The following KCNU1 variants were observed in gnomAD, a reference collection of about 807,000 sequenced individuals.
The protein encoded by KCNU1 is potassium calcium-activated channel subfamily U member 1, also known as potassium channel subfamily U member 1.
A neutral mutation model predicts 126.8 loss-of-function variants in KCNU1; 93 were observed. That is an observed-to-expected ratio of 0.73 (90% CI 0.62 to 0.87). The LOEUF is 0.87. Ranked by LOEUF, KCNU1 falls within the 40% of genes least tolerant of loss-of-function variation. The pLI is 0.00. For missense variants in KCNU1, 1,330 were observed against 1,367.1 expected (o/e 0.97, Z 0.43); for synonymous variants, 523 against 494.2 (o/e 1.06, Z -0.77).
At chr8:36,922,742 T>G in intron 24 of KCNU1, 113 bp downstream of exon 24, 1 of 1,133,878 alleles carries the variant, frequency 8.8e-7, no homozygotes, top group Non-Finnish European at 1.2e-6. Context: ...TTCTCTTTGA[T>G]TTTCAAAAAC....
chr8:36,823,083 G>C (rs1185604256), intron 10 of KCNU1, among the ~76,000 whole-genome samples: 1 of 152,100 alleles, frequency 6.6e-6, no homozygotes, highest in Non-Finnish European at 1.5e-5. Flanking sequence ...AACAGAGGGG[G>C]CAGCTAATTC....
rs368283762 is a variant in KCNU1 at position 36,909,388 on chromosome 8, G to A, written c.2184G>A (p.Pro728=). The part of the protein sequence containing the change: ...ACVFGDAHSA[P]MGLRNFVMPL... ...TATTTGGAGATGCCCACTCAGCCCC[G>A]ATGGGGCTTCGGAACTTTGTAATGC... is the stretch of plus-strand genomic sequence containing the variant. Residue 728 remains proline (P), a synonymous_variant, in exon 21 of 27, where the codon CCG becomes CCA. Coordinates refer to ENST00000399881, the MANE Select transcript of KCNU1 (RefSeq NM_001031836.3). 2.1e-5 allele frequency: 34 copies of A among 1,612,620 alleles called. No homozygotes were observed. Among genetic ancestry groups the A allele is most frequent in the East Asian group, 1.1e-4 (5 of 44,868 alleles).
chr8:36,867,792 C>A (rs991255348), intron 19 of KCNU1, among the ~76,000 whole-genome samples: 4 of 152,078 alleles, frequency 2.6e-5, no homozygotes, highest in Admixed American at 6.6e-5. Flanking sequence ...TTTTAATTCT[C>A]GTCTGTAATA....
rs1207652164 is a variant in KCNU1, at chr8:36,871,976, T to TCA, written c.2009+7456_2009+7457insAC. On this transcript the variant is annotated intron_variant, in intron 19 of 26. Coordinates refer to ENST00000399881, the MANE Select transcript of KCNU1 (RefSeq NM_001031836.3). ...GGTTATGCGAAGCTTAGTCACTGTT[T>TCA]CTAAGTAAAACTCTCTTCAAGGCCT... Among the ~76,000 whole-genome samples, 503 of 152,278 alleles carry TCA rather than the reference T, an allele frequency of 3.3e-3. 4 individuals carry two copies. The highest frequency in any genetic ancestry group is 6.1e-3 in the Non-Finnish European group (412 of 68,024).
Position 36,815,604 on chromosome 8 carries a change from T to G in KCNU1, c.912T>G (p.Phe304Leu). 6.4e-7 allele frequency: 1 copy of G among 1,552,596 alleles called. No individual in the cohort carries two copies. Among genetic ancestry groups the G allele is most frequent in the Non-Finnish European group, 8.8e-7 (1 of 1,138,732 alleles). ...TTGCTGATCAATTTTAGATATTATT[T>G]GCGAACTATATACCTGAAATGGTGG... The part of the protein sequence containing the change: ...MFFTLGSLIL[F>L]ANYIPEMVEL... Residue 304 changes from phenylalanine (F) to leucine (L), a missense_variant, in exon 9 of 27, where the codon TTT becomes TTG. This residue lies in a region of KCNU1 where 1,054 missense variants were observed against 1,053.9 expected (regional missense o/e 1.00). Transcript: ENST00000399881.
intron 18 of KCNU1, among the ~76,000 whole-genome samples, chr8:36,854,238 T>A (rs1805452014): frequency 6.6e-6 from 1 of 152,148 alleles, no homozygotes; most frequent in Non-Finnish European, 1.5e-5. Context: ...ATTAAGCTTT[T>A]TAGTTGTGTA....
chr8:36,826,091 C>A (rs1329903634), intron 10 of KCNU1, among the ~76,000 whole-genome samples: 1 of 151,910 alleles, frequency 6.6e-6, no homozygotes, highest in East Asian at 1.9e-4. Flanking sequence ...TGTTGCTTGT[C>A]ACCTTTTTGT....
At chr8:36,871,913 G>A (rs961498030) in intron 19 of KCNU1, among the ~76,000 whole-genome samples, 5 of 151,996 alleles carry the variant, frequency 3.3e-5, no homozygotes, top group Admixed American at 3.3e-4. Context: ...TCTGTTTAGG[G>A]TCATATATAA....
At chr8:36,791,865 T>C (rs577648699) in intron 2 of KCNU1, among the ~76,000 whole-genome samples, 4 of 152,324 alleles carry the variant, frequency 2.6e-5, no homozygotes. Flanking sequence ...TGAGATGAGC[T>C]GTATCTTTGT....
At chr8:36,867,695 C>T (rs1805961297) in intron 19 of KCNU1, among the ~76,000 whole-genome samples, 1 of 152,142 alleles carries the variant, frequency 6.6e-6, no homozygotes, top group African/African-American at 2.4e-5. Flanking sequence ...TAATTTTACC[C>T]ATTCAGTTTC....
At chr8:36,890,676 G>A (rs1806927118) in intron 19 of KCNU1, among the ~76,000 whole-genome samples, 1 of 151,784 alleles carries the variant, frequency 6.6e-6, no homozygotes. Flanking sequence ...AATATGAGTG[G>A]CATAAATACA....
At chr8:36,894,901 A>G (rs1044215976) in intron 19 of KCNU1, among the ~76,000 whole-genome samples, 23 of 152,094 alleles carry the variant, frequency 1.5e-4, no homozygotes, top group African/African-American at 5.3e-4. Context: ...ATCAGAAAGT[A>G]TTTTGTGAAT....
intron 3 of KCNU1, among the ~76,000 whole-genome samples, chr8:36,804,854 A>T (rs1803438904): frequency 6.6e-6 from 1 of 152,118 alleles, no homozygotes; most frequent in African/African-American, 2.4e-5. Context: ...ATTAATTCAA[A>T]ATATACTGAC....
intron 14 of KCNU1, among the ~76,000 whole-genome samples, chr8:36,837,563 G>C (rs16885486): frequency 6.6e-6 from 1 of 152,170 alleles, no homozygotes; most frequent in Non-Finnish European, 1.5e-5. Flanking sequence ...TTAGTGAGCC[G>C]CAGAGCTAGA....
rs140484226 is a variant in KCNU1 at position 36,813,012 on chromosome 8, G to A, written c.733-1195G>A. Among the ~76,000 whole-genome samples, 64 of 152,236 alleles carry A rather than the reference G, an allele frequency of 4.2e-4. No homozygotes were observed. In the East Asian group the frequency reaches 0.01, roughly 24 times the overall value. ...ATGGGATTTTAGCTTAAAGGGAACC[G>A]TGCCAGTAAATATGAATGATTTAAA... On this transcript the variant is annotated intron_variant, in intron 7 of 26. Transcript: ENST00000399881.
intron 24 of KCNU1, among the ~76,000 whole-genome samples, chr8:36,928,072 T>C (rs1169873309): frequency 6.6e-6 from 1 of 151,574 alleles, no homozygotes; most frequent in Non-Finnish European, 1.5e-5. Context: ...GAAAGAGATA[T>C]TGAGAAAGGT....
At chr8:36,927,746 A>G (rs574316973) in intron 24 of KCNU1, among the ~76,000 whole-genome samples, 1 of 152,304 alleles carries the variant, frequency 6.6e-6, no homozygotes, top group Non-Finnish European at 1.5e-5. Flanking sequence ...GGTAGCTGAA[A>G]GTTAAAACAT....
intron 4 of KCNU1, 55 bp from the exon 5 acceptor site, chr8:36,806,214 C>A: frequency 9.4e-7 from 1 of 1,067,830 alleles, no homozygotes; most frequent in Non-Finnish European, 1.4e-6. Context: ...ATCTAGTGTT[C>A]ACTTAAAATT....
intron 24 of KCNU1, among the ~76,000 whole-genome samples, chr8:36,928,138 T>C (rs1808589854): frequency 6.6e-6 from 1 of 151,992 alleles, no homozygotes. Flanking sequence ...AGAACATGGG[T>C]GACATGTAAA....
Sources: allele counts gnomAD v4.1 joint callset (sites outside exome capture counted in the v4.1 genomes callset), GRCh38; gene constraint gnomAD v4.1.1; regional missense constraint gnomAD v4.1.1; transcripts MANE v1.5; gene names NCBI Gene and HGNC (gene_info 2026-07-23, HGNC 2026-07-21).